Variants in RNLS observed in about 807,000 individuals in gnomAD.
RNLS encodes the protein renalase, FAD dependent amine oxidase, also known as renalase.
A neutral mutation model predicts 39.8 loss-of-function variants in RNLS; 39 were observed. The observed-to-expected ratio is 0.98, with a 90% CI of 0.76 to 1.28. RNLS has a LOEUF of 1.28. RNLS is among the 50% of genes most tolerant of loss of function. The pLI is 0.00. For missense variants in RNLS, 410 were observed against 413.3 expected, an observed-to-expected ratio of 0.99 and a Z score of 0.07; for synonymous variants, 147 against 150.7, an observed-to-expected ratio of 0.98 and a Z score of 0.18.
chr10:88,326,154 G>A (rs1473829537), intron 5 of RNLS, among the ~76,000 whole-genome samples: 3 of 152,158 alleles, frequency 2.0e-5, no homozygotes, highest in African/African-American at 7.2e-5. Flanking sequence ...CTCAGAGAGT[G>A]GGGTATTGAT....
chr10:88,202,272 G>A, the RNLS span, among the ~76,000 whole-genome samples: 140 of 132,878 alleles, frequency 1.1e-3, 1 homozygote, highest in African/African-American at 3.8e-3. Context: ...CACAGGAAGG[G>A]GAACATCACA....
chr10:88,255,242 C>A, the RNLS span, among the ~76,000 whole-genome samples: 4 of 152,220 alleles, frequency 2.6e-5, no homozygotes, highest in African/African-American at 9.6e-5. Flanking sequence ...CCTTTCATTG[C>A]TTCTAGTTGG....
At chr10:88,547,836 G>A (rs908243241) in intron 4 of RNLS, among the ~76,000 whole-genome samples, 1 of 152,062 alleles carries the variant, frequency 6.6e-6, no homozygotes, top group African/African-American at 2.4e-5. Context: ...TGGCTTGAAT[G>A]AATCTTTCTG....
At chr10:88,246,003 C>G in the RNLS span, among the ~76,000 whole-genome samples, 3 of 152,208 alleles carry the variant, frequency 2.0e-5, no homozygotes, top group Non-Finnish European at 4.4e-5. Flanking sequence ...CTCCTGCCGA[C>G]TTTGTTTTGG....
chr10:88,353,606 T>C (rs1479182907), intron 5 of RNLS, among the ~76,000 whole-genome samples: 2 of 152,228 alleles, frequency 1.3e-5, no homozygotes, highest in African/African-American at 2.4e-5. Context: ...TCTTTTACAT[T>C]TGCTGAGGAG....
chr10:88,504,065 C>T (rs1198713878), intron 4 of RNLS, among the ~76,000 whole-genome samples: 1 of 152,094 alleles, frequency 6.6e-6, no homozygotes, highest in Non-Finnish European at 1.5e-5. Flanking sequence ...TGCCAGCAAC[C>T]ACGTGAGTGA....
intron 4 of RNLS, among the ~76,000 whole-genome samples, chr10:88,438,352 C>T (rs1198221804): frequency 6.6e-6 from 1 of 152,068 alleles, no homozygotes; most frequent in Non-Finnish European, 1.5e-5. Flanking sequence ...TAAAGACTGC[C>T]CCCACTCCAG....
chr10:88,370,293 A>G (rs1850447761), intron 4 of RNLS, among the ~76,000 whole-genome samples: 1 of 152,250 alleles, frequency 6.6e-6, no homozygotes, highest in East Asian at 1.9e-4. Context: ...GATTATGAAG[A>G]TTTTAATGTT....
intron 4 of RNLS, among the ~76,000 whole-genome samples, chr10:88,429,896 T>C (rs1855034991): frequency 6.6e-6 from 1 of 151,868 alleles, no homozygotes; most frequent in Non-Finnish European, 1.5e-5. Flanking sequence ...CCTGTCTATC[T>C]GTATGCCAAT....
At chr10:88,565,566 C>T (rs1849444722) in intron 4 of RNLS, among the ~76,000 whole-genome samples, 1 of 151,890 alleles carries the variant, frequency 6.6e-6, no homozygotes, top group South Asian at 2.1e-4. Context: ...ATTGAGTCAG[C>T]TCAATATAAC....
chr10:88,419,456 C>G (rs1854247137), intron 4 of RNLS, among the ~76,000 whole-genome samples: 1 of 152,196 alleles, frequency 6.6e-6, no homozygotes, highest in Non-Finnish European at 1.5e-5. Context: ...CCATGGAGAA[C>G]AAGAGGTGAG....
chr10:88,515,621 C>T (rs570003512), intron 4 of RNLS, among the ~76,000 whole-genome samples: 1 of 152,078 alleles, frequency 6.6e-6, no homozygotes, highest in Non-Finnish European at 1.5e-5. Context: ...TAATTAGCTA[C>T]TTCCCTGCTT....
At chr10:88,291,796 A>T (rs1476574313) in intron 6 of RNLS, among the ~76,000 whole-genome samples, 1 of 152,128 alleles carries the variant, frequency 6.6e-6, no homozygotes, top group Non-Finnish European at 1.5e-5. Context: ...AACAGATCAC[A>T]TCAGGAGCCA....
intron 5 of RNLS, among the ~76,000 whole-genome samples, chr10:88,345,132 T>C (rs1848222683): frequency 6.6e-6 from 1 of 152,142 alleles, no homozygotes; most frequent in Admixed American, 6.6e-5. Context: ...TACTCAATAA[T>C]GTCACATCTG....
chr10:88,295,759 T>C (rs994468005), intron 6 of RNLS, among the ~76,000 whole-genome samples: 3 of 152,196 alleles, frequency 2.0e-5, no homozygotes, highest in African/African-American at 7.2e-5. Flanking sequence ...ATATGATCCA[T>C]GTAGCAGCTT....
chr10:88,332,686 G>T (rs991283582), intron 5 of RNLS, among the ~76,000 whole-genome samples: 1 of 152,162 alleles, frequency 6.6e-6, no homozygotes, highest in Non-Finnish European at 1.5e-5. Flanking sequence ...AAAATTGCCT[G>T]ACAAACCCTT....
rs865974300 is a variant in RNLS at position 88,273,932 on chromosome 10, T to C, written c.*1029A>G. ...ATAAGGCAGAACACGATTTTAAATATAAACACACATACATAAACATACATA... is the reference window on the plus strand; with the variant it reads ...ATAAGGCAGAACACGATTTTAAATACAAACACACATACATAAACATACATA... On this transcript the variant is annotated 3_prime_UTR_variant, in exon 7 of 7. Transcript: ENST00000371947. 3.9e-5 allele frequency: 6 copies of C among 152,328 alleles called. No homozygotes were observed. The Middle Eastern group carries it at 0.014, about 345-fold the overall frequency. The allele number at this position is 152,328 out of a possible 1,614,324, so 9.4% of individuals were successfully genotyped here.
chr10:88,415,529 T>G (rs933537753), intron 4 of RNLS, among the ~76,000 whole-genome samples: 2 of 152,214 alleles, frequency 1.3e-5, no homozygotes, highest in Non-Finnish European at 2.9e-5. Flanking sequence ...GACACTGGTT[T>G]GTGTATCTAT....
chr10:88,275,211 A>AC (rs1474132950), intron 6 of RNLS, among the ~76,000 whole-genome samples: 3 of 142,720 alleles, frequency 2.1e-5, no homozygotes, highest in Non-Finnish European at 3.1e-5. Context: ...ACCAAGCAGG[A>AC]CCCCCCATTT....
Sources: gnomAD v4.1 joint callset for allele counts (sites outside exome capture counted in the v4.1 genomes callset) on GRCh38, gnomAD v4.1.1 for gene constraint, MANE v1.5 for transcripts, NCBI Gene and HGNC (gene_info 2026-07-23, HGNC 2026-07-21) for gene names.